Variants in FAF1 observed in about 807,000 individuals in gnomAD.
FAF1 encodes Fas associated factor 1, also known as FAS-associated factor 1.
FAF1 carries 25 observed loss-of-function variants against 92.5 expected under a neutral mutation model. The ratio of observed to expected loss-of-function variants is 0.27; its 90% confidence interval spans 0.20 to 0.38. FAF1 has a LOEUF of 0.38. Among genes scored for constraint, FAF1 ranks in the 10% least tolerant of loss-of-function variants. FAF1 has a pLI of 1.00. For synonymous variants in FAF1, 234 were observed against 273.2 expected (o/e 0.86, Z 1.42); for missense variants, 636 against 793.3 (o/e 0.80, Z 2.38).
chr1:50,729,055 T>C (rs1200100651), intron 6 of FAF1, among the ~76,000 whole-genome samples: 205 of 93,462 alleles, frequency 2.2e-3, no homozygotes, highest in Non-Finnish European at 3.6e-3. Context: ...TATATATATA[T>C]ATATTTTTTT....
intron 4 of FAF1, among the ~76,000 whole-genome samples, chr1:50,759,614 G>A (rs1488610041): frequency 1.3e-5 from 2 of 151,972 alleles, no homozygotes; most frequent in Non-Finnish European, 2.9e-5. Context: ...ATAAACATAC[G>A]TGTGCATGTG....
intron 1 of FAF1, among the ~76,000 whole-genome samples, chr1:50,934,123 G>A (rs192485051): frequency 7.9e-5 from 12 of 152,126 alleles, no homozygotes; most frequent in Admixed American, 5.9e-4. Flanking sequence ...TTTATTAGTG[G>A]TTGTTCTCAG....
At chr1:50,557,207 A>T (rs1274335361) in intron 13 of FAF1, among the ~76,000 whole-genome samples, 1 of 152,240 alleles carries the variant, frequency 6.6e-6, no homozygotes, top group Non-Finnish European at 1.5e-5. Flanking sequence ...GGTGCTGATC[A>T]TGTATTGAGG....
intron 7 of FAF1, among the ~76,000 whole-genome samples, chr1:50,702,530 C>T (rs1657518200): frequency 6.6e-6 from 1 of 152,058 alleles, no homozygotes; most frequent in African/African-American, 2.4e-5. Flanking sequence ...GATTTTTCGT[C>T]TTTAAGACTA....
intron 12 of FAF1, among the ~76,000 whole-genome samples, chr1:50,570,691 A>G (rs181506627): frequency 5.3e-5 from 8 of 152,366 alleles, no homozygotes; most frequent in African/African-American, 1.9e-4. Context: ...GCTTTCAACA[A>G]AAAATTTTCT....
intron 1 of FAF1, among the ~76,000 whole-genome samples, chr1:50,941,118 A>ATC (rs978963774): frequency 6.6e-6 from 1 of 150,888 alleles, no homozygotes; most frequent in African/African-American, 2.4e-5. Flanking sequence ...TGCAACCTCC[A>ATC]TCTCCCAGCC....
chr1:50,920,432 T>C (rs961940418), intron 1 of FAF1, among the ~76,000 whole-genome samples: 3 of 152,180 alleles, frequency 2.0e-5, no homozygotes, highest in Non-Finnish European at 2.9e-5. Context: ...TTGTCCCTGA[T>C]TGCCTGGCTC....
chr1:50,675,732 TAA>T (rs1002072057), intron 7 of FAF1, among the ~76,000 whole-genome samples: 25 of 152,176 alleles, frequency 1.6e-4, no homozygotes, highest in Non-Finnish European at 3.2e-4. Flanking sequence ...CAAAGATAGA[TAA>T]AGACACAATA....
At chr1:50,832,906 A>G (rs1286218203) in intron 2 of FAF1, among the ~76,000 whole-genome samples, 3 of 152,234 alleles carry the variant, frequency 2.0e-5, no homozygotes, top group Non-Finnish European at 4.4e-5. Flanking sequence ...TCAAAATAGA[A>G]TACCTAATTC....
intron 7 of FAF1, among the ~76,000 whole-genome samples, chr1:50,690,476 C>T (rs1358099817): frequency 1.3e-5 from 2 of 152,002 alleles, no homozygotes; most frequent in Non-Finnish European, 2.9e-5. Context: ...TGGCACACGT[C>T]TGTAATCCCA....
chr1:50,493,375 C>G (rs1646862453), intron 15 of FAF1, among the ~76,000 whole-genome samples: 1 of 152,116 alleles, frequency 6.6e-6, no homozygotes, highest in African/African-American at 2.4e-5. Flanking sequence ...GTGGATAAGT[C>G]TATCTTTTCA....
chr1:50,651,470 A>G lies in FAF1; in HGVS notation c.744+3972T>C, dbSNP rs753858396. ...TATTTTCATAAATTCACAGAATCCA[A>G]TGATATCTAAGGCTACTGTATATTT... On this transcript the variant is annotated intron_variant, in intron 8 of 18. Transcript: ENST00000396153. 2.6e-5 allele frequency among the ~76,000 whole-genome samples: 4 copies of G among 152,144 alleles called. 1 individual carries two copies. The South Asian group carries it at 6.2e-4, about 24-fold the overall frequency.
At chr1:50,552,653 G>A (rs1649367476) in intron 13 of FAF1, among the ~76,000 whole-genome samples, 1 of 152,136 alleles carries the variant, frequency 6.6e-6, no homozygotes, top group Non-Finnish European at 1.5e-5. Context: ...CTCTAGAAAG[G>A]TTCATCAGAC....
intron 1 of FAF1, among the ~76,000 whole-genome samples, chr1:50,903,683 C>G (rs1178329483): frequency 6.6e-6 from 1 of 152,080 alleles, no homozygotes; most frequent in Non-Finnish European, 1.5e-5. Context: ...ATTTGCTAAC[C>G]AACCACATTA....
intron 6 of FAF1, among the ~76,000 whole-genome samples, chr1:50,729,036 A>C (rs1181341434): frequency 1.0e-5 from 1 of 95,250 alleles, no homozygotes; most frequent in Non-Finnish European, 1.9e-5. Flanking sequence ...CTATCTATCT[A>C]TATATATATA....
intron 18 of FAF1, among the ~76,000 whole-genome samples, chr1:50,447,035 C>T (rs1328654823): frequency 2.7e-5 from 4 of 149,618 alleles, no homozygotes; most frequent in South Asian, 2.1e-4. Flanking sequence ...AGGGTTCTCT[C>T]TCATTCCATG....
intron 1 of FAF1, among the ~76,000 whole-genome samples, chr1:50,909,183 A>G (rs1644863667): frequency 6.6e-6 from 1 of 152,180 alleles, no homozygotes; most frequent in African/African-American, 2.4e-5. Flanking sequence ...TCTTTTCTTT[A>G]AGAATGTTGA....
At chr1:50,716,849 G>A (rs1215770611) in intron 6 of FAF1, among the ~76,000 whole-genome samples, 2 of 152,184 alleles carry the variant, frequency 1.3e-5, no homozygotes, top group Non-Finnish European at 2.9e-5. Context: ...AGCCAGCAGT[G>A]GCGACCCACT....
At chr1:50,678,776 CAAA>C (rs58946586) in intron 7 of FAF1, among the ~76,000 whole-genome samples, 13 of 13,934 alleles carry the variant, frequency 9.3e-4, no homozygotes, top group African/African-American at 2.0e-3. Flanking sequence ...GACTCCATCT[CAAA>C]AAAAAAAAAA....
Sources: gnomAD v4.1 joint callset for allele counts (sites outside exome capture counted in the v4.1 genomes callset) on GRCh38, gnomAD v4.1.1 for gene constraint, MANE v1.5 for transcripts, NCBI Gene and HGNC (gene_info 2026-07-23, HGNC 2026-07-21) for gene names.